ZNF280D: variants seen among roughly 807,000 people sequenced by gnomAD.
The protein encoded by ZNF280D is suppressor of hairy wing homolog 4.
A neutral mutation model predicts 94.7 loss-of-function variants in ZNF280D; 39 were observed. That is an observed-to-expected ratio of 0.41 (90% CI 0.32 to 0.54). ZNF280D has a LOEUF of 0.54. Ranked by LOEUF, ZNF280D falls within the 20% of genes least tolerant of loss-of-function variation. The pLI is 0.22. For synonymous variants in ZNF280D, 398 were observed against 377.6 expected, an observed-to-expected ratio of 1.05 and a Z score of -0.63; for missense variants, 1,090 against 1,149.3, an observed-to-expected ratio of 0.95 and a Z score of 0.75.
At chr15:56,696,694 GA>G (rs1218369886) in intron 6 of ZNF280D, among the ~76,000 whole-genome samples, 1 of 152,156 alleles carries the variant, frequency 6.6e-6, no homozygotes, top group Non-Finnish European at 1.5e-5. Context: ...AAAATTCAGA[GA>G]AAAGTCACTT....
chr15:56,719,509 T>A (rs2058231354), intron 1 of ZNF280D, among the ~76,000 whole-genome samples: 1 of 152,134 alleles, frequency 6.6e-6, no homozygotes, highest in Admixed American at 6.6e-5. Context: ...ACCACGATAC[T>A]TGCAGAAGCA....
chr15:56,693,111 T>C lies in ZNF280D; in HGVS notation c.486A>G (p.Thr162=). ...ACTAAAACCAACCTGCCATAGAAAG[T>C]GTTGGTCCCCCTTGGTAATGTGATA... ...TGLSHYQGGP[T]LSMAGMSESS... The change falls in exon 7 of 22, where the codon ACA becomes ACG. Residue 162 remains threonine (T), a synonymous_variant. Coordinates refer to ENST00000267807, the MANE Select transcript of ZNF280D (RefSeq NM_017661.4). 4 of 1,600,590 alleles carry C rather than the reference T, an allele frequency of 2.5e-6. No individual in the cohort carries two copies. The highest frequency in any genetic ancestry group is 3.4e-6 in the Non-Finnish European group (4 of 1,171,940).
chr15:56,651,969 T>C (rs1176967831), intron 19 of ZNF280D, among the ~76,000 whole-genome samples: 1 of 151,942 alleles, frequency 6.6e-6, no homozygotes, highest in Non-Finnish European at 1.5e-5. Flanking sequence ...ATGGAAAAAG[T>C]TATTGTTTCT....
Position 56,631,790 on chromosome 15 carries a change from T to C in ZNF280D, c.2648A>G (p.Asp883Gly). ...EARFSSKNIK[D>G]LRLASDNVSI... ...TACATTATCTGATGCTAATCGCAAA[T>C]CCTTAATATTCTTTGAAGAAAATCT... is the stretch of plus-strand genomic sequence containing the variant. The change falls in exon 22 of 22, where the codon GAT becomes GGT. Residue 883 changes from aspartate (D) to glycine (G), a missense_variant. Around this residue, in one of 3 missense-constraint regions of ZNF280D, gnomAD observed 577 missense variants for 568.8 expected, o/e 1.01. Coordinates refer to ENST00000267807, the MANE Select transcript of ZNF280D (RefSeq NM_017661.4). 6.2e-7 allele frequency: 1 copy of C among 1,614,136 alleles called. No homozygotes were observed. The highest frequency in any genetic ancestry group is 8.5e-7 in the Non-Finnish European group (1 of 1,180,010).
intron 3 of ZNF280D, among the ~76,000 whole-genome samples, chr15:56,706,864 A>C (rs1205250286): frequency 6.6e-6 from 1 of 152,174 alleles, no homozygotes; most frequent in Non-Finnish European, 1.5e-5. Context: ...ATATGTACCA[A>C]ATTGGTAAAA....
intron 19 of ZNF280D, 111 bp downstream of exon 19, chr15:56,654,087 A>C: frequency 6.6e-7 from 1 of 1,510,504 alleles, no homozygotes; most frequent in Non-Finnish European, 8.8e-7. Flanking sequence ...AAAAAAACAA[A>C]AAAACAACAA....
At chr15:56,720,599 T>A (rs7169454) in intron 1 of ZNF280D, among the ~76,000 whole-genome samples, 84,763 of 152,006 alleles carry the variant, frequency 0.56, 24,363 homozygotes, top group Non-Finnish European at 0.63. Flanking sequence ...ATCAGAGAAA[T>A]CATAATCTAC....
intron 6 of ZNF280D, among the ~76,000 whole-genome samples, chr15:56,694,144 T>C (rs1407788039): frequency 2.6e-5 from 4 of 151,986 alleles, no homozygotes; most frequent in Admixed American, 1.3e-4. Context: ...GAGTGAAAAG[T>C]ATGAGATGAA....
At chr15:56,636,564 A>G (rs1343469273) in intron 20 of ZNF280D, among the ~76,000 whole-genome samples, 1 of 149,974 alleles carries the variant, frequency 6.7e-6, no homozygotes, top group Non-Finnish European at 1.5e-5. Flanking sequence ...GCTCACTACA[A>G]CCTCCACCTC....
intron 6 of ZNF280D, chr15:56,698,606 T>G (rs2056884842): frequency 6.6e-6 from 1 of 152,132 alleles, no homozygotes; most frequent in African/African-American, 2.4e-5. Flanking sequence ...TGTAATTCCC[T>G]CCCATTGAGT....
At chr15:56,733,407 G>A (rs1273891747) in intron 1 of ZNF280D, 51 bp downstream of exon 1, 2 of 977,198 alleles carry the variant, frequency 2.0e-6, no homozygotes, top group African/African-American at 1.8e-5. Context: ...CCGCGCGGGA[G>A]GGCCTCTGCC....
intron 1 of ZNF280D, chr15:56,724,866 T>C (rs1310696643): frequency 4.4e-6 from 2 of 454,928 alleles, no homozygotes; most frequent in Non-Finnish European, 4.4e-6. Context: ...TTCAATAACG[T>C]TGTCAGATCT....
intron 19 of ZNF280D, among the ~76,000 whole-genome samples, chr15:56,651,671 T>A (rs775212609): frequency 2.0e-5 from 3 of 152,056 alleles, no homozygotes; most frequent in Non-Finnish European, 2.9e-5. Flanking sequence ...CCACCAGGAA[T>A]AACAAAATCC....
At chr15:56,675,762 A>G (rs1359083884) in intron 13 of ZNF280D, among the ~76,000 whole-genome samples, 1 of 152,062 alleles carries the variant, frequency 6.6e-6, no homozygotes, top group Non-Finnish European at 1.5e-5. Flanking sequence ...AATGACAGCA[A>G]AGTGAGCACC....
chr15:56,727,134 C>G (rs1383724703), intron 1 of ZNF280D, among the ~76,000 whole-genome samples: 2 of 152,166 alleles, frequency 1.3e-5, no homozygotes, highest in Admixed American at 6.5e-5. Context: ...TGCCTTGACT[C>G]TCAATCTCAA....
At position 56,669,910 on chromosome 15, in the gene ZNF280D, TA is replaced by T. The variant is rs1237890368; in HGVS notation, c.1411-954del. Among the ~76,000 whole-genome samples, 2 of 6,970 alleles carry T rather than the reference TA, an allele frequency of 2.9e-4. 1 individual carries two copies. Among genetic ancestry groups the T allele is most frequent in the Admixed American group, 8.3e-3 (2 of 242 alleles). 4.6% of individuals were successfully genotyped at this position (6,970 alleles called of 152,430 possible). A position where few individuals can be genotyped will look rare whatever the true frequency, so the allele number is the denominator to read the frequency against. On this transcript the variant is annotated intron_variant, in intron 13 of 21. Transcript: ENST00000267807. ...ATATTATATATATATATAATATATA[TA>T]TATTATATATATATTATATATATAT... is the stretch of plus-strand genomic sequence containing the variant.
At chr15:56,648,291 A>G (rs1225080628) in intron 19 of ZNF280D, among the ~76,000 whole-genome samples, 1 of 152,110 alleles carries the variant, frequency 6.6e-6, no homozygotes, top group Non-Finnish European at 1.5e-5. Context: ...ATATTGCCCA[A>G]ACATCATTAG....
intron 4 of ZNF280D, among the ~76,000 whole-genome samples, chr15:56,702,480 C>T (rs1455450790): frequency 6.6e-6 from 1 of 152,074 alleles, no homozygotes; most frequent in African/African-American, 2.4e-5. Flanking sequence ...TGGGGTTAAT[C>T]CCCTTCTTGA....
At chr15:56,728,610 G>C (rs1357527259) in intron 1 of ZNF280D, among the ~76,000 whole-genome samples, 1 of 152,104 alleles carries the variant, frequency 6.6e-6, no homozygotes, top group Non-Finnish European at 1.5e-5. Context: ...GAACCTATCA[G>C]GGAAGCATTT....
Sources: gnomAD v4.1 joint callset for allele counts (sites outside exome capture counted in the v4.1 genomes callset) on GRCh38, gnomAD v4.1.1 for gene constraint, gnomAD v4.1.1 regional missense constraint, MANE v1.5 for transcripts, NCBI Gene and HGNC (gene_info 2026-07-23, HGNC 2026-07-21) for gene names.